TMEM71: variants seen among roughly 807,000 people sequenced by gnomAD.
The protein encoded by TMEM71 is transmembrane protein 71.
TMEM71 carries 44 observed loss-of-function variants against 38.0 expected under a neutral mutation model. The ratio of observed to expected loss-of-function variants is 1.16; its 90% CI spans 0.91 to 1.49. TMEM71 has a LOEUF of 1.49. Ranked by LOEUF, TMEM71 falls within the 40% of genes most tolerant of loss-of-function variation. The pLI, the probability that TMEM71 is intolerant of heterozygous loss-of-function variation, is 0.00. For missense variants in TMEM71, 367 were observed against 348.6 expected (o/e 1.05, Z -0.42); for synonymous variants, 133 against 122.5 (o/e 1.09, Z -0.56).
chr8:132,732,955 C>A (rs1239129731), intron 5 of TMEM71, among the ~76,000 whole-genome samples: 6 of 152,136 alleles, frequency 3.9e-5, no homozygotes, highest in Non-Finnish European at 7.4e-5. Context: ...GAGAGCTGAC[C>A]TAACCGTCTA....
At chr8:132,742,868 G>A (rs2131135563) in intron 5 of TMEM71, among the ~76,000 whole-genome samples, 1 of 152,338 alleles carries the variant, frequency 6.6e-6, no homozygotes, top group East Asian at 1.9e-4. Flanking sequence ...TGGACTTACA[G>A]TTCCACATGG....
chr8:132,727,677 C>T, intron 6 of TMEM71, 121 bp downstream of exon 6: 1 of 823,474 alleles, frequency 1.2e-6, no homozygotes. Flanking sequence ...CCCATGTCCT[C>T]CCTTCCTCGC....
intron 5 of TMEM71, among the ~76,000 whole-genome samples, chr8:132,732,191 A>G (rs548745165): frequency 6.6e-6 from 1 of 152,310 alleles, no homozygotes; most frequent in East Asian, 1.9e-4. Context: ...AAAGGCTGGA[A>G]CAAGTTATCC....
intron 7 of TMEM71, among the ~76,000 whole-genome samples, chr8:132,715,205 G>A (rs1826445026): frequency 6.6e-6 from 1 of 151,662 alleles, no homozygotes. Flanking sequence ...AGGAGATTGA[G>A]ACCGTCCTGG....
chr8:132,755,262 G>A (rs903077719), intron 3 of TMEM71, among the ~76,000 whole-genome samples: 2 of 151,870 alleles, frequency 1.3e-5, no homozygotes, highest in East Asian at 1.9e-4. Flanking sequence ...GATTGTAAAC[G>A]AAATGAAGAC....
Position 132,747,029 on chromosome 8 carries a change from T to C in TMEM71, c.400A>G (p.Ile134Val), listed in dbSNP as rs778087772. The stretch of plus-strand genomic sequence containing the variant: ...GGAGAAGAGTTGATGTCACCAAAGA[T>C]ACTTCCATGCAGCCAAGATTTGGAG... Reference protein sequence around the residue: ...STSKSWLHGSIFGDINSSPSE... With the variant: ...STSKSWLHGSVFGDINSSPSE... Residue 134 changes from isoleucine to valine, a missense_variant, in exon 5 of 10, where the codon ATC becomes GTC. Physicochemically the swap from Ile to Val is conservative, Grantham distance 29. Coordinates refer to ENST00000677595, the MANE Select transcript of TMEM71 (RefSeq NM_001382403.1). The C allele has an allele frequency of 6.2e-7, 1 of 1,613,728 alleles. No individual in the cohort carries two copies. Among genetic ancestry groups the C allele is most frequent in the Non-Finnish European group, 8.5e-7 (1 of 1,179,916 alleles).
At chr8:132,720,657 C>T (rs193083858) in intron 7 of TMEM71, among the ~76,000 whole-genome samples, 1 of 152,154 alleles carries the variant, frequency 6.6e-6, no homozygotes, top group Non-Finnish European at 1.5e-5. Context: ...CTCAGTAAAT[C>T]TTAATTAGAA....
intron 7 of TMEM71, among the ~76,000 whole-genome samples, chr8:132,720,073 A>G (rs1185053284): frequency 1.3e-5 from 2 of 151,846 alleles, no homozygotes; most frequent in Non-Finnish European, 2.9e-5. Flanking sequence ...GCAGACTGGG[A>G]TGTGGAAGAC....
At position 132,710,943 on chromosome 8, in the gene TMEM71, A is replaced by T. The variant is rs1267988992; in HGVS notation, c.*24T>A. On this transcript the variant is annotated 3_prime_UTR_variant, in exon 10 of 10. Transcript: ENST00000677595. ...CCAGATATTCAGATGGAGGACATTC[A>T]TCGAAGGCATTCCTAAATGGTTGTC... 6.2e-7 allele frequency: 1 copy of T among 1,607,632 alleles called. No individual in the cohort carries two copies.
chr8:132,743,063 C>T (rs1196365273), intron 5 of TMEM71, among the ~76,000 whole-genome samples: 1 of 152,158 alleles, frequency 6.6e-6, no homozygotes, highest in African/African-American at 2.4e-5. Flanking sequence ...ATTCAATTAC[C>T]TCCCACCAGG....
chr8:132,729,753 C>T (rs1253104156), intron 5 of TMEM71, among the ~76,000 whole-genome samples: 1 of 152,024 alleles, frequency 6.6e-6, no homozygotes, highest in African/African-American at 2.4e-5. Context: ...AGAAAAAAGG[C>T]CTTGGTCTCA....
intron 4 of TMEM71, 111 bp downstream of exon 4, chr8:132,751,674 T>C: frequency 9.7e-7 from 1 of 1,030,586 alleles, no homozygotes; most frequent in Non-Finnish European, 1.5e-6. Context: ...TTCCACAGTC[T>C]GGAGCAATAA....
downstream of TMEM71, among the ~76,000 whole-genome samples, chr8:132,708,173 C>T (rs1282489729): frequency 6.6e-6 from 1 of 152,142 alleles, no homozygotes; most frequent in African/African-American, 2.4e-5. Flanking sequence ...ACTACAATAA[C>T]AAATAGGACC....
intron 5 of TMEM71, among the ~76,000 whole-genome samples, chr8:132,731,796 G>T (rs59911458): frequency 0.12 from 18,533 of 152,220 alleles, 1,342 homozygotes; most frequent in East Asian, 0.38. Flanking sequence ...GGAACAAGCA[G>T]GGGAATCTGA....
Position 132,714,166 on chromosome 8 carries a change from T to A in TMEM71, c.802A>T (p.Ile268Leu). The change falls in exon 8 of 10, where the codon ATA becomes TTA. Residue 268 changes from isoleucine to leucine, a missense_variant. Coordinates refer to ENST00000677595, the MANE Select transcript of TMEM71 (RefSeq NM_001382403.1). ...LASVFTCSLMITVAYVKSLFL... is the reference protein window; with the variant it reads ...LASVFTCSLMLTVAYVKSLFL... ...AACAGTTACTTACAAGCTACAGTTA[T>A]CATCAATGAGCATGTGAAGACACTG... 1 of 1,613,070 alleles carries A rather than the reference T, an allele frequency of 6.2e-7. No individual in the cohort carries two copies. The highest frequency in any genetic ancestry group is 1.3e-5 in the African/African-American group (1 of 75,054).
intron 5 of TMEM71, among the ~76,000 whole-genome samples, chr8:132,745,702 C>G (rs1828300163): frequency 6.6e-6 from 1 of 151,882 alleles, no homozygotes; most frequent in Non-Finnish European, 1.5e-5. Context: ...ATCATTATAC[C>G]AAAACAACTC....
intron 3 of TMEM71, among the ~76,000 whole-genome samples, chr8:132,756,014 G>A (rs765201367): frequency 4.6e-5 from 7 of 151,982 alleles, no homozygotes; most frequent in East Asian, 1.9e-4. Flanking sequence ...ATATTGATTC[G>A]TTTGCTAGTA....
At chr8:132,752,099 C>T (rs1828748690) in intron 3 of TMEM71, 102 bp from the exon 4 acceptor site, 1 of 933,844 alleles carries the variant, frequency 1.1e-6, no homozygotes, top group Non-Finnish European at 1.7e-6. Context: ...TCTTTGCATC[C>T]ATGACTGTCA....
the TMEM71 span, among the ~76,000 whole-genome samples, chr8:132,775,814 C>A: frequency 6.6e-6 from 1 of 152,162 alleles, no homozygotes; most frequent in African/African-American, 2.4e-5. Context: ...CCCTCCCTTC[C>A]TTACCCCCCT....
Sources: allele counts gnomAD v4.1 joint callset (sites outside exome capture counted in the v4.1 genomes callset), GRCh38; gene constraint gnomAD v4.1.1; transcripts MANE v1.5; gene names NCBI Gene and HGNC (gene_info 2026-07-23, HGNC 2026-07-21).